The following SLCO2A1 variants were observed in gnomAD, a reference collection of about 807,000 sequenced individuals.
SLCO2A1 encodes the protein solute carrier organic anion transporter family member 2A1, also known as matrin F/G 1.
A neutral mutation model predicts 71.7 loss-of-function variants in SLCO2A1; 60 were observed. The ratio of observed to expected loss-of-function variants is 0.84; its 90% CI spans 0.68 to 1.04. The LOEUF (loss-of-function observed/expected upper bound fraction) is 1.04, where lower values mean the gene tolerates loss of function less well. Ranked by LOEUF, SLCO2A1 falls within the 50% of genes least tolerant of loss-of-function variation. SLCO2A1 has a pLI of 0.00. For synonymous variants in SLCO2A1, 308 were observed against 326.7 expected (o/e 0.94, Z 0.62); for missense variants, 745 against 813.4 (o/e 0.92, Z 1.02).
In SLCO2A1 at chr3:133,934,807, T is replaced by G. The variant is rs1229117150; in HGVS notation, c.1838A>C (p.Tyr613Ser). The change falls in exon 14 of 14, where the codon TAC becomes TCC. Residue 613 changes from tyrosine (Y) to serine (S), a missense_variant. By Grantham distance (144) the Tyr-to-Ser change is moderately radical (BLOSUM62 -2). Coordinates refer to ENST00000310926, the MANE Select transcript of SLCO2A1 (RefSeq NM_005630.3). ...RDRYLGLQMG[Y>S]KALGMLLLCF... ...AAGCAGCAGCATGCCCAGCGCCTTG[T>G]AGCCCATCTGCAGGCCCAGGTACCT... 2 of 1,611,634 alleles carry G rather than the reference T, an allele frequency of 1.2e-6. No individual in the cohort carries two copies. The highest frequency in any genetic ancestry group is 1.7e-6 in the Non-Finnish European group (2 of 1,179,914).
chr3:133,936,249 C>A (rs17377811), intron 12 of SLCO2A1, among the ~76,000 whole-genome samples: 3,081 of 152,272 alleles, frequency 0.02, 53 homozygotes, highest in Non-Finnish European at 0.03. Flanking sequence ...CAGGCATCGA[C>A]TTCTCAGGTC....
intron 1 of SLCO2A1, 91 bp downstream of exon 1, chr3:134,029,616 G>A: frequency 9.5e-7 from 1 of 1,049,844 alleles, no homozygotes; most frequent in Non-Finnish European, 1.3e-6. Context: ...GGCTCCCGGA[G>A]CCTCCTGGCT....
chr3:133,985,474 CT>C (rs1276136719), intron 1 of SLCO2A1, among the ~76,000 whole-genome samples: 3 of 152,184 alleles, frequency 2.0e-5, no homozygotes, highest in African/African-American at 7.2e-5. Context: ...CTTGCAATTT[CT>C]TCACAAAAGG....
intron 3 of SLCO2A1, among the ~76,000 whole-genome samples, chr3:133,971,193 C>T (rs549367321): frequency 1.2e-4 from 18 of 152,348 alleles, no homozygotes; most frequent in African/African-American, 2.2e-4. Flanking sequence ...CTTCACGTGA[C>T]GAGAAAGGGC....
chr3:134,003,566 C>T (rs1935145331), intron 1 of SLCO2A1, among the ~76,000 whole-genome samples: 1 of 152,188 alleles, frequency 6.6e-6, no homozygotes, highest in African/African-American at 2.4e-5. Flanking sequence ...TCATCAGTGA[C>T]TTCAACAAAA....
chr3:133,978,528 T>C (rs997634695), intron 2 of SLCO2A1, among the ~76,000 whole-genome samples: 1 of 152,024 alleles, frequency 6.6e-6, no homozygotes, highest in African/African-American at 2.4e-5. Flanking sequence ...GGAGAGGAGA[T>C]ACCTGCCTTC....
chr3:134,017,078 G>A (rs1403497892), intron 1 of SLCO2A1, among the ~76,000 whole-genome samples: 2 of 152,202 alleles, frequency 1.3e-5, no homozygotes, highest in Admixed American at 1.3e-4. Context: ...GGTCAGCACA[G>A]GAGAAATCCT....
intron 2 of SLCO2A1, among the ~76,000 whole-genome samples, chr3:133,974,252 A>T (rs1934400512): frequency 6.6e-6 from 1 of 152,224 alleles, no homozygotes; most frequent in African/African-American, 2.4e-5. Flanking sequence ...TCCCAAGTTT[A>T]ATTAGGTACA....
intron 1 of SLCO2A1, among the ~76,000 whole-genome samples, chr3:133,988,430 G>A (rs1454769976): frequency 2.6e-5 from 4 of 152,144 alleles, no homozygotes; most frequent in African/African-American, 4.8e-5. Flanking sequence ...AAGTTGTGCC[G>A]CCTTTCTGGA....
intron 1 of SLCO2A1, among the ~76,000 whole-genome samples, chr3:134,020,235 G>A (rs1474133505): frequency 4.6e-5 from 7 of 152,162 alleles, no homozygotes; most frequent in Non-Finnish European, 7.3e-5. Context: ...AGCGAGCTCG[G>A]CTCTTAAGAC....
chr3:133,948,788 C>T, intron 7 of SLCO2A1, 88 bp from the exon 8 acceptor site: 6 of 1,590,326 alleles, frequency 3.8e-6, no homozygotes, highest in Non-Finnish European at 5.2e-6. Context: ...CCCTCTGCTC[C>T]TACTGTCCCT....
chr3:133,993,285 G>T (rs1015976218), intron 1 of SLCO2A1, among the ~76,000 whole-genome samples: 4 of 151,970 alleles, frequency 2.6e-5, no homozygotes, highest in Non-Finnish European at 5.9e-5. Context: ...AAGGGGTAAG[G>T]GAAATATCCT....
At chr3:133,949,025 C>G in intron 6 of SLCO2A1, 54 bp from the exon 7 acceptor site, 1 of 1,472,316 alleles carries the variant, frequency 6.8e-7, no homozygotes, top group South Asian at 1.1e-5. Flanking sequence ...TGTAGCCACC[C>G]TTCCCTGAGC....
intron 1 of SLCO2A1, among the ~76,000 whole-genome samples, chr3:134,016,723 C>T (rs1295372145): frequency 6.6e-6 from 1 of 152,184 alleles, no homozygotes; most frequent in African/African-American, 2.4e-5. Context: ...CCACACAAAA[C>T]CTTTACACAA....
intron 1 of SLCO2A1, among the ~76,000 whole-genome samples, chr3:133,995,699 CA>C (rs1559951101): frequency 6.6e-6 from 1 of 152,178 alleles, no homozygotes; most frequent in Non-Finnish European, 1.5e-5. Flanking sequence ...GCCAGCAAGG[CA>C]GAGGAGGGAA....
In SLCO2A1 at chr3:133,964,369, T is replaced by C. The variant is rs116764249; in HGVS notation, c.398-9176A>G. On this transcript the variant is annotated intron_variant, in intron 3 of 13. Transcript: ENST00000310926. ...AATGAGTATATTATAACCTGGGACA[T>C]AGTGATTATACGATGAGATCGATTT... Among the ~76,000 whole-genome samples, 253 of 152,304 alleles carry C rather than the reference T, an allele frequency of 1.7e-3. 1 individual carries two copies. Among genetic ancestry groups the C allele is most frequent in the Middle Eastern group, 3.4e-3 (1 of 294 alleles).
chr3:133,992,387 A>C (rs185805892), intron 1 of SLCO2A1, among the ~76,000 whole-genome samples: 56 of 152,258 alleles, frequency 3.7e-4, no homozygotes, highest in African/African-American at 1.3e-3. Context: ...AGGTAGAAAA[A>C]ATTCTTAGCT....
chr3:133,979,694 C>T (rs1934541941), intron 1 of SLCO2A1, 76 bp from the exon 2 acceptor site: 3 of 1,505,650 alleles, frequency 2.0e-6, no homozygotes, highest in Non-Finnish European at 1.8e-6. Flanking sequence ...TGTTAGGGGC[C>T]CCGGCAGGCT....
chr3:134,026,541 C>A (rs1935704484), intron 1 of SLCO2A1, among the ~76,000 whole-genome samples: 1 of 151,972 alleles, frequency 6.6e-6, no homozygotes, highest in Non-Finnish European at 1.5e-5. Context: ...TAAATGGCCC[C>A]CTGAGAAAAT....
Sources: allele counts gnomAD v4.1 joint callset (sites outside exome capture counted in the v4.1 genomes callset), GRCh38; gene constraint gnomAD v4.1.1; transcripts MANE v1.5; gene names NCBI Gene and HGNC (gene_info 2026-07-23, HGNC 2026-07-21).